Variants in AGPAT3 observed in about 807,000 individuals in gnomAD.
The protein encoded by AGPAT3 is 1-acylglycerol-3-phosphate O-acyltransferase 3.
In AGPAT3, 5 loss-of-function variants were observed where a neutral mutation model predicts 47.3. The observed-to-expected ratio is 0.11, with a 90% CI of 0.06 to 0.22. The LOEUF (loss-of-function observed/expected upper bound fraction) is 0.22. Ranked by LOEUF, AGPAT3 falls within the 10% of genes least tolerant of loss-of-function variation. The probability of loss-of-function intolerance (pLI) is 1.00; values close to 1 mark genes in which losing one functional copy is unlikely to be tolerated. For missense variants in AGPAT3, 315 were observed against 493.0 expected, an observed-to-expected ratio of 0.64 and a Z score of 3.42; for synonymous variants, 212 against 208.3, an observed-to-expected ratio of 1.02 and a Z score of -0.15.
chr21:43,973,051 C>T (rs555359370), intron 7 of AGPAT3, among the ~76,000 whole-genome samples: 11 of 152,320 alleles, frequency 7.2e-5, no homozygotes, highest in South Asian at 4.1e-4. Context: ...CGAAGCAAAA[C>T]GACACCACCC....
rs1246646823 is a variant in AGPAT3 at position 43,985,246 on chromosome 21, T to C, written c.*2854T>C. ...CTTCCCCCGTGTGAGACACTGGTTG[T>C]CTGGTACTCGGCGACAGTGTACCAG... On this transcript the variant is annotated 3_prime_UTR_variant, in exon 10 of 10. Coordinates refer to ENST00000291572, the MANE Select transcript of AGPAT3 (RefSeq NM_020132.5). 5 of 456,154 alleles carry C rather than the reference T, an allele frequency of 1.1e-5. No homozygotes were observed. Among genetic ancestry groups the C allele is most frequent in the Non-Finnish European group, 2.2e-5 (5 of 226,966 alleles). 28.3% of individuals were successfully genotyped at this position (456,154 alleles called of 1,614,324 possible). A position where few individuals can be genotyped will look rare whatever the true frequency, so the allele number is the denominator to read the frequency against.
chr21:43,904,334 C>T (rs1392579604), intron 2 of AGPAT3, among the ~76,000 whole-genome samples: 1 of 152,166 alleles, frequency 6.6e-6, no homozygotes, highest in African/African-American at 2.4e-5. Context: ...AGGCGCCTAC[C>T]AGGGCACAGC....
At chr21:43,931,808 A>G in intron 2 of AGPAT3, among the ~76,000 whole-genome samples, 1 of 152,102 alleles carries the variant, frequency 6.6e-6, no homozygotes, top group East Asian at 1.9e-4. Flanking sequence ...TAAAACCATG[A>G]TTCTAAACAT....
In AGPAT3 at chr21:43,908,755, C is replaced by T. The variant is rs1010669063; in HGVS notation, c.-49+4736C>T. On this transcript the variant is annotated intron_variant, in intron 2 of 9. Coordinates refer to ENST00000291572, the MANE Select transcript of AGPAT3 (RefSeq NM_020132.5). This position sits in a 1 kb window ranked among gnomAD's most constrained non-coding sequence, Gnocchi z 4.9. ...ACTGATGAGGGCGAGGATCAAAGCC[C>T]GTGCTGCGTCAGCGTGGTGGCCTGC... Among the ~76,000 whole-genome samples, 6 of 152,196 alleles carry T rather than the reference C, an allele frequency of 3.9e-5. No individual in the cohort carries two copies. Among genetic ancestry groups the T allele is most frequent in the African/African-American group, 9.7e-5 (4 of 41,442 alleles).
chr21:43,935,859 C>T (rs1049807163), intron 2 of AGPAT3, among the ~76,000 whole-genome samples: 1 of 152,220 alleles, frequency 6.6e-6, no homozygotes, highest in Non-Finnish European at 1.5e-5. Flanking sequence ...AGTGGAGAAG[C>T]CTCAGCCAGG....
Position 43,932,572 on chromosome 21 carries a change from CGTGCCGGTGTCT to C in AGPAT3, c.-48-27061_-48-27050del, listed in dbSNP as rs1412831968. Among the ~76,000 whole-genome samples, 1 of 152,206 alleles carries C rather than the reference CGTGCCGGTGTCT, an allele frequency of 6.6e-6. No individual in the cohort carries two copies. Among genetic ancestry groups the C allele is most frequent in the East Asian group, 1.9e-4 (1 of 5,202 alleles). ...GGGGTGATGCTGCAGTGAACATGGG[CGTGCCGGTGTCT>C]ATTTGACACACTGATTTCAGTTCCT... On this transcript the variant is annotated intron_variant, in intron 2 of 9. Coordinates refer to ENST00000291572, the MANE Select transcript of AGPAT3 (RefSeq NM_020132.5). This position sits in a 1 kb window ranked among gnomAD's most constrained non-coding sequence, Gnocchi z 5.2.
chr21:43,885,903 G>A (rs1296774902), intron 1 of AGPAT3, among the ~76,000 whole-genome samples: 2 of 152,262 alleles, frequency 1.3e-5, no homozygotes, highest in African/African-American at 4.8e-5. Flanking sequence ...GTTTTCAGGA[G>A]CACTGAGGAG....
intron 2 of AGPAT3, among the ~76,000 whole-genome samples, chr21:43,926,612 G>A (rs997261405): frequency 4.7e-5 from 7 of 149,778 alleles, no homozygotes; most frequent in African/African-American, 1.7e-4. Flanking sequence ...TGCTGCTGGG[G>A]TAGCTTCCGT....
At chr21:43,866,330 A>AGCAT (rs1265187512) in intron 1 of AGPAT3, among the ~76,000 whole-genome samples, 2 of 151,622 alleles carry the variant, frequency 1.3e-5, no homozygotes, top group African/African-American at 4.8e-5. Flanking sequence ...GAGGGTGATG[A>AGCAT]GCATGCGGCT....
intron 1 of AGPAT3, among the ~76,000 whole-genome samples, chr21:43,885,187 G>C (rs767036877): frequency 3.3e-5 from 5 of 152,166 alleles, no homozygotes; most frequent in Non-Finnish European, 7.4e-5. Flanking sequence ...AGCCCCTCTG[G>C]TAGCATGGAG....
At chr21:43,903,134 T>A (rs116496362) in intron 1 of AGPAT3, among the ~76,000 whole-genome samples, 2 of 152,222 alleles carry the variant, frequency 1.3e-5, no homozygotes, top group South Asian at 4.1e-4. Context: ...GAGGACATTA[T>A]ACTGAGTGAA....
At chr21:43,941,620 G>C (rs3788083) in intron 2 of AGPAT3, among the ~76,000 whole-genome samples, 4,159 of 152,296 alleles carry the variant, frequency 0.027, 177 homozygotes, top group African/African-American at 0.079. Flanking sequence ...CTGAGAGTTT[G>C]AGCAAGGGGG....
At chr21:43,888,716 C>T (rs537913085) in intron 1 of AGPAT3, among the ~76,000 whole-genome samples, 128 of 152,288 alleles carry the variant, frequency 8.4e-4, no homozygotes, top group African/African-American at 2.5e-3. Flanking sequence ...ATGGGCCGGG[C>T]GAGGTGCTTC....
chr21:43,895,476 T>C (rs1166138797), intron 1 of AGPAT3, among the ~76,000 whole-genome samples: 1 of 151,960 alleles, frequency 6.6e-6, no homozygotes, highest in Non-Finnish European at 1.5e-5. Context: ...TTAGGAACTG[T>C]TTAGGCTGCG....
intron 1 of AGPAT3, 39 bp downstream of exon 1, chr21:43,865,384 C>T (rs1228928784): frequency 6.8e-6 from 1 of 146,630 alleles, no homozygotes; most frequent in African/African-American, 2.4e-5. Flanking sequence ...GGGCCGCCCC[C>T]CTCTTCCCCC....
At chr21:43,915,405 CTTTTTTTTTT>C (rs747494231) in intron 2 of AGPAT3, among the ~76,000 whole-genome samples, 2 of 38,848 alleles carry the variant, frequency 5.1e-5, no homozygotes, top group Non-Finnish European at 9.7e-5. Context: ...TCTTGATTAG[CTTTTTTTTTT>C]TTTTTTTTTT....
At chr21:43,906,960 C>T (rs556113292) in intron 2 of AGPAT3, among the ~76,000 whole-genome samples, 2 of 152,120 alleles carry the variant, frequency 1.3e-5, no homozygotes, top group African/African-American at 4.8e-5. Flanking sequence ...GGAAGGGTAG[C>T]TGCCCTGGCA....
intron 2 of AGPAT3, among the ~76,000 whole-genome samples, chr21:43,947,853 G>A (rs1490378942): frequency 2.0e-5 from 3 of 152,002 alleles, no homozygotes; most frequent in Non-Finnish European, 4.4e-5. Flanking sequence ...CCATGTTGGT[G>A]AGACCATCAC....
rs142989310 is a variant in AGPAT3, at chr21:43,955,618, C to T, written c.-48-4016C>T. Among the ~76,000 whole-genome samples the T allele has an allele frequency of 7.6e-3, 1,153 of 151,774 alleles. 13 individuals carry two copies. Among genetic ancestry groups the T allele is most frequent in the African/African-American group, 0.025 (1,050 of 41,476 alleles). On this transcript the variant is annotated intron_variant, in intron 2 of 9. Transcript: ENST00000291572. This position sits in a 1 kb window ranked among gnomAD's most constrained non-coding sequence, Gnocchi z 4.1. ...TGAGAATCTGATTTTTAAAAATAAA[C>T]GTCATGACTGGGTGCGGTGGCTCAC...
Sources: gnomAD v4.1 joint callset for allele counts (sites outside exome capture counted in the v4.1 genomes callset) on GRCh38, gnomAD v4.1.1 for gene constraint, Gnocchi (gnomAD v3.1) non-coding constraint, MANE v1.5 for transcripts, NCBI Gene and HGNC (gene_info 2026-07-23, HGNC 2026-07-21) for gene names.